TMEM209: variants seen among roughly 807,000 people sequenced by gnomAD.
TMEM209 encodes transmembrane protein 209, also known as testicular tissue protein Li 202.
In TMEM209, 65 loss-of-function variants were observed where a neutral mutation model predicts 76.2. That is an observed-to-expected ratio of 0.85 (90% CI 0.70 to 1.05). TMEM209 has a LOEUF of 1.05. Among genes scored for constraint, TMEM209 ranks in the 50% least tolerant of loss-of-function variants. The pLI, the probability that TMEM209 is intolerant of heterozygous loss-of-function variation, is 0.00. For synonymous variants in TMEM209, 239 were observed against 237.6 expected (o/e 1.01, Z -0.06); for missense variants, 623 against 685.5 (o/e 0.91, Z 1.02).
chr7:130,173,957 A>ATT lies in TMEM209; in HGVS notation c.1345-20_1345-19dup. ...ATGATGATCTGAGGATGAAGAAATA[A>ATT]TTTTTTTTTAAGTCAGCATGAAAAT... On this transcript the variant is annotated intron_variant, in intron 11 of 14. Transcript: ENST00000397622. 1 of 1,533,416 alleles carries ATT rather than the reference A, an allele frequency of 6.5e-7. No homozygotes were observed. The highest frequency in any genetic ancestry group is 9.0e-7 in the Non-Finnish European group (1 of 1,108,718). The allele number at this position is 1,533,416 out of a possible 1,614,324, so 95.0% of individuals were successfully genotyped here.
At chr7:130,201,688 G>A (rs1562900099) in intron 5 of TMEM209, 162 bp downstream of exon 5, 1 of 858,152 alleles carries the variant, frequency 1.2e-6, no homozygotes, top group Non-Finnish European at 1.7e-6. Flanking sequence ...ATTTTAAGAT[G>A]TTGTGTTTAA....
intron 14 of TMEM209, among the ~76,000 whole-genome samples, chr7:130,168,061 C>T (rs1242726017): frequency 6.6e-6 from 1 of 152,018 alleles, no homozygotes; most frequent in East Asian, 1.9e-4. Context: ...CATTACATTT[C>T]AGTAAATGAA....
At chr7:130,184,884 AAAGCAAGACTTCTGTATGTGTT>A (rs1363766861) in intron 7 of TMEM209, among the ~76,000 whole-genome samples, 2 of 152,244 alleles carry the variant, frequency 1.3e-5, no homozygotes, top group East Asian at 3.8e-4. Flanking sequence ...ATATATTTTA[AAAGCAAGACTTCTGTATGTGTT>A]AAGTACAATT....
intron 11 of TMEM209, among the ~76,000 whole-genome samples, chr7:130,174,453 T>C (rs1797172165): frequency 6.6e-6 from 1 of 152,194 alleles, no homozygotes; most frequent in Admixed American, 6.5e-5. Flanking sequence ...TATTTGATCT[T>C]CATTTTTAGT....
Position 130,185,219 on chromosome 7 carries a change from A to C in TMEM209, c.924T>G (p.Asp308Glu). The C allele has an allele frequency of 6.2e-7, 1 of 1,613,832 alleles. No homozygotes were observed. The highest frequency in any genetic ancestry group is 1.7e-5 in the Admixed American group (1 of 60,006). Reference sequence around the variant, plus strand: ...CTTCTGCGGCTTGTTTAGAGCTGAGATCGGCTTCATCTTTGTTAGCACATG... The same window carrying C: ...CTTCTGCGGCTTGTTTAGAGCTGAGCTCGGCTTCATCTTTGTTAGCACATG... ...QAPCANKDEA[D>E]LSSKQAAEEV... The change falls in exon 7 of 15, where the codon GAT (aspartate) becomes GAG (glutamate). Residue 308 changes from aspartate to glutamate, a missense_variant. Physicochemically the swap from Asp to Glu is conservative, Grantham distance 45. Coordinates refer to ENST00000397622, the MANE Select transcript of TMEM209 (RefSeq NM_032842.4).
chr7:130,184,130 G>A (rs1797514657), intron 8 of TMEM209, 54 bp downstream of exon 8: 1 of 1,200,280 alleles, frequency 8.3e-7, no homozygotes, highest in Non-Finnish European at 1.2e-6. Context: ...CTAATAACAT[G>A]CTTTGCATAT....
Position 130,177,428 on chromosome 7 carries a change from G to C in TMEM209, c.1246+974C>G, listed in dbSNP as rs1035891706. Among the ~76,000 whole-genome samples the C allele has an allele frequency of 2.0e-5, 3 of 151,974 alleles. No homozygotes were observed. The East Asian group carries it at 5.8e-4, about 29-fold the overall frequency. ...GTTTTCTAAAGGCTCAGCTGGGCAC[G>C]GTGGCTCATGTCTATAATCACGGCA... On this transcript the variant is annotated intron_variant, in intron 10 of 14. Transcript: ENST00000397622.
rs1411181360 is a variant in TMEM209, at chr7:130,201,870, G to A, written c.553C>T (p.Pro185Ser). The change falls in exon 5 of 15, where the codon CCC becomes TCC. Residue 185 changes from proline (P) to serine (S), a missense_variant. Transcript: ENST00000397622. ...ATTACCTTATTATAACCACTGACGGGCGAGTAGGTCACTCCAGGGCTATAA... is the reference window on the plus strand; with the variant it reads ...ATTACCTTATTATAACCACTGACGGACGAGTAGGTCACTCCAGGGCTATAA... ...GSYSPGVTYS[P>S]VSGYNKLASF... 1 of 1,613,890 alleles carries A rather than the reference G, an allele frequency of 6.2e-7. No homozygotes were observed.
intron 6 of TMEM209, among the ~76,000 whole-genome samples, chr7:130,188,590 C>T (rs1383386323): frequency 3.5e-4 from 38 of 108,048 alleles, no homozygotes; most frequent in African/African-American, 1.0e-3. Flanking sequence ...AGTGAGACTC[C>T]GTATCAAAAA....
chr7:130,178,674 C>T (rs1252896775), intron 9 of TMEM209, 147 bp from the exon 10 acceptor site: 1 of 846,638 alleles, frequency 1.2e-6, no homozygotes, highest in Non-Finnish European at 1.8e-6. Flanking sequence ...CCTGACGACC[C>T]TACCTCAAAT....
intron 3 of TMEM209, 55 bp from the exon 4 acceptor site, chr7:130,202,718 G>A: frequency 1.3e-6 from 2 of 1,562,178 alleles, no homozygotes; most frequent in African/African-American, 1.4e-5. Context: ...ATCTATTGGA[G>A]AACACAAAAA....
At chr7:130,189,864 G>A (rs1316006371) in intron 6 of TMEM209, among the ~76,000 whole-genome samples, 1 of 152,162 alleles carries the variant, frequency 6.6e-6, no homozygotes, top group African/African-American at 2.4e-5. Flanking sequence ...TGTGCCCAGT[G>A]CCCAGATAAT....
Position 130,174,054 on chromosome 7 carries a change from AAG to A in TMEM209, c.1345-117_1345-116del, listed in dbSNP as rs570458394. The A allele has an allele frequency of 3.8e-5, 25 of 666,204 alleles. No homozygotes were observed. In the Middle Eastern group the frequency reaches 1.2e-3, roughly 31 times the overall value. The allele number at this position is 666,204 out of a possible 1,614,324, so 41.3% of individuals were successfully genotyped here. Reference sequence around the variant, plus strand: ...TTCCAATTAAAAAATTTTTTCTCTGAAGAGTGAATTAGAAAAATGCTGTCAAA... The same window carrying A: ...TTCCAATTAAAAAATTTTTTCTCTGAAGTGAATTAGAAAAATGCTGTCAAA... On this transcript the variant is annotated intron_variant, in intron 11 of 14. Transcript: ENST00000397622.
chr7:130,172,303 G>A (rs754727573), intron 13 of TMEM209, among the ~76,000 whole-genome samples: 7 of 152,134 alleles, frequency 4.6e-5, no homozygotes, highest in Non-Finnish European at 8.8e-5. Flanking sequence ...GCAGATAGCT[G>A]TATGCATGAA....
intron 9 of TMEM209, among the ~76,000 whole-genome samples, chr7:130,180,673 A>C (rs533395419): frequency 6.6e-6 from 1 of 152,308 alleles, no homozygotes; most frequent in East Asian, 1.9e-4. Context: ...CCGGCCAAAA[A>C]AGACATTTCT....
chr7:130,196,182 T>C (rs1797964749), intron 5 of TMEM209, among the ~76,000 whole-genome samples: 1 of 152,146 alleles, frequency 6.6e-6, no homozygotes, highest in South Asian at 2.1e-4. Context: ...TAATAAAAAG[T>C]CTATAAAGTA....
intron 9 of TMEM209, among the ~76,000 whole-genome samples, chr7:130,178,964 A>G (rs1797327568): frequency 1.3e-5 from 2 of 151,766 alleles, no homozygotes; most frequent in Admixed American, 1.3e-4. Context: ...CTTTTTTTCT[A>G]TTTAGTAGAG....
At chr7:130,188,745 T>C (rs538146120) in intron 6 of TMEM209, among the ~76,000 whole-genome samples, 2 of 152,238 alleles carry the variant, frequency 1.3e-5, no homozygotes, top group East Asian at 3.9e-4. Context: ...GAAATCCAGT[T>C]GCTATCAACT....
intron 6 of TMEM209, among the ~76,000 whole-genome samples, chr7:130,191,224 A>C (rs1797785339): frequency 1.3e-5 from 2 of 151,936 alleles, no homozygotes; most frequent in African/African-American, 4.8e-5. Flanking sequence ...AAAAAGCCTA[A>C]GAGATAAAGA....
Sources: gnomAD v4.1 joint callset for allele counts (sites outside exome capture counted in the v4.1 genomes callset) on GRCh38, gnomAD v4.1.1 for gene constraint, MANE v1.5 for transcripts, NCBI Gene and HGNC (gene_info 2026-07-23, HGNC 2026-07-21) for gene names.